KAZN: variants seen among roughly 807,000 people sequenced by gnomAD.
KAZN encodes the protein kazrin.
Under a neutral mutation model 87.4 loss-of-function variants are expected in KAZN, and 40 were observed. The observed-to-expected ratio is 0.46, with a 90% CI of 0.36 to 0.60. The LOEUF (loss-of-function observed/expected upper bound fraction) is 0.60. Among genes scored for constraint, KAZN ranks in the 20% least tolerant of loss-of-function variants. The probability of loss-of-function intolerance (pLI) is 0.00; values close to 1 mark genes in which losing one functional copy is unlikely to be tolerated. For synonymous variants in KAZN, 466 were observed against 458.3 expected (o/e 1.02, Z -0.22); for missense variants, 898 against 1,073.9 (o/e 0.84, Z 2.29).
chr1:13,957,407 A>G (rs1352051754), intron 1 of KAZN, among the ~76,000 whole-genome samples: 1 of 152,226 alleles, frequency 6.6e-6, no homozygotes, highest in African/African-American at 2.4e-5. Flanking sequence ...AGTGCCCTTC[A>G]GACAGTAAAA....
chr1:15,082,716 G>A lies in KAZN; in HGVS notation c.1223-11464G>A, dbSNP rs554001623. On this transcript the variant is annotated intron_variant, in intron 8 of 14. Transcript: ENST00000376030. Reference sequence around the variant, plus strand: ...TTGTTTGTTTTGTTTTGTTTGAGACGGAGTCTCGCTCTGTCGCTCAGGCTA... The same window carrying A: ...TTGTTTGTTTTGTTTTGTTTGAGACAGAGTCTCGCTCTGTCGCTCAGGCTA... 6.6e-5 allele frequency among the ~76,000 whole-genome samples: 10 copies of A among 152,258 alleles called. No homozygotes were observed. In the South Asian group the frequency reaches 1.5e-3, roughly 22 times the overall value.
intron 2 of KAZN, among the ~76,000 whole-genome samples, chr1:14,387,481 A>G (rs1476389042): frequency 1.3e-5 from 2 of 151,658 alleles, no homozygotes; most frequent in African/African-American, 4.8e-5. Context: ...TGATGTACAG[A>G]TGGGTTTTTG....
intron 1 of KAZN, among the ~76,000 whole-genome samples, chr1:14,103,230 T>A (rs549451015): frequency 3.0e-4 from 46 of 152,272 alleles, no homozygotes; most frequent in African/African-American, 1.1e-3. Context: ...CTGCTCTTCT[T>A]GTGAGGACAC....
chr1:15,095,738 T>C (rs1482893705), intron 10 of KAZN, among the ~76,000 whole-genome samples: 4 of 152,116 alleles, frequency 2.6e-5, no homozygotes, highest in Non-Finnish European at 4.4e-5. Flanking sequence ...TAATCAAACC[T>C]GGTGGTGTGT....
chr1:14,867,198 G>A (rs374989302), intron 1 of KAZN, among the ~76,000 whole-genome samples: 11 of 152,234 alleles, frequency 7.2e-5, no homozygotes, highest in South Asian at 6.2e-4. Flanking sequence ...TCAATGGAGC[G>A]TGGAGGCCTC....
At chr1:14,943,007 GGTGT>G (rs58102946) in intron 1 of KAZN, among the ~76,000 whole-genome samples, 19,959 of 100,372 alleles carry the variant, frequency 0.2, 1,803 homozygotes, top group South Asian at 0.33. Flanking sequence ...GTGTGTGTGT[GGTGT>G]GTGTGTGTGT....
chr1:14,233,299 T>A (rs571195140), intron 2 of KAZN, among the ~76,000 whole-genome samples: 122 of 152,264 alleles, frequency 8.0e-4, no homozygotes, highest in Admixed American at 4.8e-3. Flanking sequence ...ACCCAGCTAA[T>A]TTTTTCATTT....
At chr1:14,271,751 A>G (rs1651952921) in intron 2 of KAZN, among the ~76,000 whole-genome samples, 1 of 152,208 alleles carries the variant, frequency 6.6e-6, no homozygotes, top group South Asian at 2.1e-4. Flanking sequence ...GTCATTGGCC[A>G]TCCCTGATTG....
rs180812232 is a variant in KAZN, at chr1:14,530,084, G to A, written c.250-68899G>A. Among the ~76,000 whole-genome samples the A allele has an allele frequency of 2.9e-3, 449 of 152,240 alleles. 2 individuals carry two copies. The highest frequency in any genetic ancestry group is 5.2e-3 in the Non-Finnish European group (356 of 68,016). ...CTCTGGAGCACCTAATACTGGAATCGCAGGGGCCAGGGGAAGCCAGTGATC... is the reference window on the plus strand; with the variant it reads ...CTCTGGAGCACCTAATACTGGAATCACAGGGGCCAGGGGAAGCCAGTGATC... On this transcript the variant is annotated intron_variant, in intron 2 of 16. Coordinates refer to the KAZN transcript ENST00000636203.
At chr1:14,146,381 A>G (rs992820004) in intron 1 of KAZN, among the ~76,000 whole-genome samples, 3 of 151,540 alleles carry the variant, frequency 2.0e-5, no homozygotes, top group African/African-American at 2.4e-5. Flanking sequence ...CTAAAAATAC[A>G]AAAAATTAGC....
intron 1 of KAZN, among the ~76,000 whole-genome samples, chr1:13,965,647 ACT>A (rs1269167352): frequency 1.3e-5 from 2 of 151,998 alleles, no homozygotes; most frequent in African/African-American, 4.8e-5. Flanking sequence ...GATAGTCCCA[ACT>A]CTCAGCATCA....
At position 15,056,318 on chromosome 1, in the gene KAZN, A is replaced by G; in HGVS notation, c.916+38A>G. 6.4e-7 allele frequency: 1 copy of G among 1,556,738 alleles called. No homozygotes were observed. The highest frequency in any genetic ancestry group is 2.3e-5 in the East Asian group (1 of 42,612). On this transcript the variant is annotated intron_variant, in intron 5 of 14. Transcript: ENST00000376030. This position sits in a 1 kb window ranked among gnomAD's most constrained non-coding sequence, Gnocchi z 5.4. ...CTGGCCTGGCTCCACCACGGCTTCG[A>G]GGGGCTTCACAGGAGGCCATCTGAC... is the stretch of plus-strand genomic sequence containing the variant.
intron 1 of KAZN, among the ~76,000 whole-genome samples, chr1:14,018,559 G>T (rs78895831): frequency 0.012 from 1,842 of 152,260 alleles, 35 homozygotes; most frequent in African/African-American, 0.041. Flanking sequence ...CTGCCTTTGG[G>T]TGTGTCTGTG....
intron 1 of KAZN, among the ~76,000 whole-genome samples, chr1:14,918,833 G>A (rs900277877): frequency 6.7e-6 from 1 of 150,264 alleles, no homozygotes; most frequent in South Asian, 2.1e-4. Flanking sequence ...GCCTCAAGTT[G>A]GCAGCAGCTC....
chr1:14,682,468 A>G (rs936535047), intron 1 of KAZN, among the ~76,000 whole-genome samples: 3 of 151,456 alleles, frequency 2.0e-5, no homozygotes, highest in African/African-American at 7.3e-5. Context: ...TTAAAAATTC[A>G]TTGTAGAGAC....
At chr1:14,470,117 C>T (rs1252922018) in intron 2 of KAZN, among the ~76,000 whole-genome samples, 5 of 152,046 alleles carry the variant, frequency 3.3e-5, no homozygotes, top group South Asian at 2.1e-4. Context: ...TCAAACAATG[C>T]GCTTGAGAAA....
At chr1:14,730,275 G>T (rs1021463648) in intron 1 of KAZN, among the ~76,000 whole-genome samples, 2 of 152,132 alleles carry the variant, frequency 1.3e-5, no homozygotes, top group African/African-American at 4.8e-5. Context: ...GTGGAGACAG[G>T]GTTTCACCAT....
At chr1:14,138,749 C>T (rs990652835) in intron 1 of KAZN, among the ~76,000 whole-genome samples, 6 of 152,198 alleles carry the variant, frequency 3.9e-5, no homozygotes, top group Non-Finnish European at 4.4e-5. Context: ...ATTTTGGAAG[C>T]GTGTGTTCAT....
At chr1:14,604,417 C>T (rs1677204551) in intron 1 of KAZN, among the ~76,000 whole-genome samples, 1 of 152,238 alleles carries the variant, frequency 6.6e-6, no homozygotes, top group Non-Finnish European at 1.5e-5. Flanking sequence ...AATCCCCTGC[C>T]AGGCCCATCT....
Sources: gnomAD v4.1 joint callset for allele counts (sites outside exome capture counted in the v4.1 genomes callset) on GRCh38, gnomAD v4.1.1 for gene constraint, Gnocchi (gnomAD v3.1) non-coding constraint, MANE v1.5 for transcripts, NCBI Gene and HGNC (gene_info 2026-07-23, HGNC 2026-07-21) for gene names.